BLTP1: variants seen among roughly 807,000 people sequenced by gnomAD.
BLTP1 encodes bridge-like lipid transfer protein family member 1, also known as fragile site-associated protein.
At chr4:122,214,393 G>A in the BLTP1 span, 1 of 965,086 alleles carries the variant, frequency 1.0e-6, no homozygotes, top group Admixed American at 6.2e-5. Flanking sequence ...GGTTCTATAA[G>A]CCAGTGAATT....
At chr4:122,205,667 T>A in the BLTP1 span, among the ~76,000 whole-genome samples, 7 of 139,234 alleles carry the variant, frequency 5.0e-5, 1 homozygote, top group African/African-American at 1.9e-4. Context: ...CTCTCTAGTG[T>A]CAAAGTCTGT....
chr4:122,316,305 G>T, the BLTP1 span: 6 of 425,024 alleles, frequency 1.4e-5, no homozygotes, highest in Admixed American at 2.8e-5. Flanking sequence ...TTTGTTCTTG[G>T]GAAGAAATTT....
the BLTP1 span, chr4:122,187,410 A>T: frequency 1.2e-6 from 2 of 1,609,962 alleles, no homozygotes; most frequent in East Asian, 2.2e-5. Flanking sequence ...TATTCATGTC[A>T]GTTTTATTTT....
At chr4:122,328,542 G>C in the BLTP1 span, 1 of 537,002 alleles carries the variant, frequency 1.9e-6, no homozygotes. Flanking sequence ...TTGTGATGTA[G>C]CTCCATATAA....
At chr4:122,320,643 C>T in the BLTP1 span, among the ~76,000 whole-genome samples, 401 of 152,220 alleles carry the variant, frequency 2.6e-3, 2 homozygotes, top group African/African-American at 9.2e-3. Flanking sequence ...ATATTTTTCT[C>T]AATCTGTATA....
At chr4:122,212,089 G>A in the BLTP1 span, 2 of 984,166 alleles carry the variant, frequency 2.0e-6, no homozygotes, top group Non-Finnish European at 2.4e-6. Flanking sequence ...GGACTAGGAT[G>A]TTTAGGGTTG....
chr4:122,198,032 C>T, the BLTP1 span: 1 of 984,944 alleles, frequency 1.0e-6, no homozygotes, highest in Non-Finnish European at 1.2e-6. Flanking sequence ...AAGTATAATT[C>T]ATTTTTGTGT....
At chr4:122,221,393 GT>G in the BLTP1 span, among the ~76,000 whole-genome samples, 1 of 152,056 alleles carries the variant, frequency 6.6e-6, no homozygotes, top group Non-Finnish European at 1.5e-5. Flanking sequence ...TGTGTTTCTG[GT>G]TTTAAACTTT....
the BLTP1 span, among the ~76,000 whole-genome samples, chr4:122,275,265 T>G: frequency 9.9e-5 from 15 of 152,108 alleles, no homozygotes; most frequent in Non-Finnish European, 2.2e-4. Context: ...ATTATTATAT[T>G]TAATCTTCAC....
the BLTP1 span, among the ~76,000 whole-genome samples, chr4:122,260,411 C>T: frequency 1.1e-4 from 17 of 151,746 alleles, no homozygotes; most frequent in Admixed American, 1.1e-3. Flanking sequence ...AAGAAAAAAG[C>T]CAATACCAAA....
At chr4:122,288,322 C>T in the BLTP1 span, among the ~76,000 whole-genome samples, 2 of 152,114 alleles carry the variant, frequency 1.3e-5, no homozygotes, top group African/African-American at 4.8e-5. Context: ...TTATTCATAG[C>T]TGCATCCTTA....
At chr4:122,227,300 A>G in the BLTP1 span, 1 of 986,816 alleles carries the variant, frequency 1.0e-6, no homozygotes, top group Non-Finnish European at 1.2e-6. Flanking sequence ...TTTTCACAAC[A>G]TTGTGCCACC....
the BLTP1 span, chr4:122,240,060 C>T: frequency 6.2e-7 from 1 of 1,614,194 alleles, no homozygotes; most frequent in Non-Finnish European, 8.5e-7. Context: ...CAAAACTCAT[C>T]CTTCTCAGGC....
the BLTP1 span, chr4:122,200,811 A>T: frequency 1.3e-6 from 1 of 795,110 alleles, no homozygotes; most frequent in Non-Finnish European, 1.5e-6. Flanking sequence ...TCTTGACTTA[A>T]TATTTCAAGG....
At chr4:122,294,967 C>T in the BLTP1 span, among the ~76,000 whole-genome samples, 1 of 152,252 alleles carries the variant, frequency 6.6e-6, no homozygotes, top group East Asian at 1.9e-4. Flanking sequence ...CTTCACAATG[C>T]ACTCACAAGT....
the BLTP1 span, among the ~76,000 whole-genome samples, chr4:122,176,391 G>A: frequency 8.5e-5 from 13 of 152,168 alleles, no homozygotes; most frequent in African/African-American, 3.1e-4. Context: ...TGATTTAAAT[G>A]AGAGGTATAT....
At chr4:122,226,838 A>G in the BLTP1 span, 4 of 1,583,572 alleles carry the variant, frequency 2.5e-6, no homozygotes, top group Non-Finnish European at 3.4e-6. Flanking sequence ...AATCCAAGGT[A>G]TATTAACAAA....
chr4:122,269,582 G>T, the BLTP1 span: 8 of 984,882 alleles, frequency 8.1e-6, no homozygotes, highest in African/African-American at 5.2e-5. Context: ...GACCTTCACC[G>T]CAATATACTT....
the BLTP1 span, chr4:122,289,045 C>T: frequency 6.3e-7 from 1 of 1,575,364 alleles, no homozygotes. Flanking sequence ...AAGTGTAAAG[C>T]TAATGTAATC....
Sources: gnomAD v4.1 joint callset for allele counts (sites outside exome capture counted in the v4.1 genomes callset) on GRCh38, gnomAD v4.1.1 for gene constraint, MANE v1.5 for transcripts, NCBI Gene and HGNC (gene_info 2026-07-23, HGNC 2026-07-21) for gene names.